The following PCDH10 variants were observed in gnomAD, a reference collection of about 807,000 sequenced individuals.
The protein encoded by PCDH10 is protocadherin 10, also known as protocadherin-10.
Under a neutral mutation model 74.4 loss-of-function variants are expected in PCDH10, and 15 were observed. That is an observed-to-expected ratio of 0.20 (90% CI 0.13 to 0.31). PCDH10 has a LOEUF of 0.31. Among genes scored for constraint, PCDH10 ranks in the 10% least tolerant of loss-of-function variants. The pLI is 1.00. For missense variants in PCDH10, 1,260 were observed against 1,390.2 expected (o/e 0.91, Z 1.49); for synonymous variants, 619 against 589.8 (o/e 1.05, Z -0.72).
intron 4 of PCDH10, among the ~76,000 whole-genome samples, chr4:133,169,905 C>T (rs573017628): frequency 3.6e-4 from 54 of 151,920 alleles, no homozygotes; most frequent in African/African-American, 1.2e-3. Flanking sequence ...GAAACTGTTT[C>T]GAACACTGAG....
At chr4:133,179,570 C>T (rs903128935) in intron 4 of PCDH10, among the ~76,000 whole-genome samples, 4 of 152,110 alleles carry the variant, frequency 2.6e-5, no homozygotes, top group Non-Finnish European at 5.9e-5. Context: ...TCTGCATGAC[C>T]GTCTCTTACT....
intron 4 of PCDH10, among the ~76,000 whole-genome samples, chr4:133,173,613 G>T (rs1228266465): frequency 2.0e-5 from 3 of 151,986 alleles, no homozygotes; most frequent in African/African-American, 7.2e-5. Flanking sequence ...TGAAGATGAA[G>T]AAGAGACAAT....
intron 4 of PCDH10, among the ~76,000 whole-genome samples, chr4:133,180,018 C>G (rs1157354620): frequency 6.6e-6 from 1 of 151,904 alleles, no homozygotes; most frequent in African/African-American, 2.4e-5. Context: ...CCTAAATAAT[C>G]TCCACTCTAT....
At chr4:133,170,775 C>A (rs1727186510) in intron 4 of PCDH10, among the ~76,000 whole-genome samples, 1 of 152,108 alleles carries the variant, frequency 6.6e-6, no homozygotes, top group South Asian at 2.1e-4. Context: ...TCACTGCCAC[C>A]TCCACCTCCC....
chr4:133,182,678 C>T (rs1207056562), intron 4 of PCDH10, among the ~76,000 whole-genome samples: 2 of 151,890 alleles, frequency 1.3e-5, no homozygotes, highest in African/African-American at 4.8e-5. Flanking sequence ...AAATGTACAC[C>T]AGCATAGGGT....
chr4:133,175,930 A>G (rs1727286727), intron 4 of PCDH10, among the ~76,000 whole-genome samples: 1 of 152,090 alleles, frequency 6.6e-6, no homozygotes, highest in South Asian at 2.1e-4. Context: ...ATATTGGATT[A>G]CTCCTGAAAA....
At chr4:133,199,329 T>A (rs865955747), downstream of PCDH10, among the ~76,000 whole-genome samples, 10 of 119,132 alleles carry the variant, frequency 8.4e-5, no homozygotes, top group South Asian at 2.9e-4. Context: ...TAATAATAAT[T>A]AATTAAATAG....
At position 133,150,959 on chromosome 4, in the gene PCDH10, C is replaced by G. The variant is rs766911892; in HGVS notation, c.819C>G (p.Asn273Lys). ...CAGGCACTCTCGTGATCCAGCTCAA[C>G]GCCACCGACCCGGACGAGGGCCAGA... Reference protein sequence around the residue: ...SPPGTLVIQLNATDPDEGQNG... With the variant: ...SPPGTLVIQLKATDPDEGQNG... Residue 273 changes from asparagine (N) to lysine (K), a missense_variant, in exon 1 of 5, where the codon AAC (asparagine) becomes AAG (lysine). By Grantham distance (94) the Asn-to-Lys change is moderately conservative. Transcript: ENST00000264360. 2.5e-6 allele frequency: 4 copies of G among 1,613,972 alleles called. No individual in the cohort carries two copies. Among genetic ancestry groups the G allele is most frequent in the African/African-American group, 2.7e-5 (2 of 75,074 alleles).
At chr4:133,153,743 CA>C (rs1241250532) in intron 1 of PCDH10, 1 of 150,744 alleles carries the variant, frequency 6.6e-6, no homozygotes, top group African/African-American at 2.5e-5. Flanking sequence ...GGGGGGCGGG[CA>C]GGATTATGAA....
rs1265701670 is a variant in PCDH10, at chr4:133,190,255, T to G, written c.*95T>G. ...CAACTTCATTATCTTGGCCATCCAG[T>G]TAGTCATGTGTAACTGAGTATTAGA... is the stretch of plus-strand genomic sequence containing the variant. On this transcript the variant is annotated 3_prime_UTR_variant, in exon 5 of 5. Coordinates refer to ENST00000264360, the MANE Select transcript of PCDH10 (RefSeq NM_032961.3). 4.6e-6 allele frequency: 5 copies of G among 1,091,494 alleles called. No individual in the cohort carries two copies. The East Asian group carries it at 1.2e-4, about 26-fold the overall frequency. The allele number at this position is 1,091,494 out of a possible 1,614,324, so 67.6% of individuals were successfully genotyped here.
intron 4 of PCDH10, chr4:133,164,160 T>A (rs1181498417): frequency 6.0e-6 from 2 of 334,120 alleles, no homozygotes; most frequent in Non-Finnish European, 1.2e-5. Flanking sequence ...AACCAAAAAA[T>A]CATTTGTTTT....
chr4:133,203,188 G>C (rs1423094655), intron 2 of PCDH10, among the ~76,000 whole-genome samples: 1 of 152,110 alleles, frequency 6.6e-6, no homozygotes, highest in African/African-American at 2.4e-5. Flanking sequence ...GAAGTCCACT[G>C]TCAGCTTATG....
chr4:133,154,393 A>G, intron 2 of PCDH10, 28 bp downstream of exon 2: 3 of 1,415,768 alleles, frequency 2.1e-6, no homozygotes, highest in Non-Finnish European at 2.9e-6. Context: ...CCCTAGCAGT[A>G]ATGGACAATT....
At chr4:133,204,332 A>G (rs1222791872) in intron 2 of PCDH10, among the ~76,000 whole-genome samples, 2 of 152,124 alleles carry the variant, frequency 1.3e-5, no homozygotes, top group Admixed American at 6.5e-5. Flanking sequence ...TAACATCCAC[A>G]TGGCTGTCCC....
rs760452014 is a variant in PCDH10, at chr4:133,151,616, G to A, written c.1476G>A (p.Glu492=). Residue 492 remains glutamate, a synonymous_variant, in exon 1 of 5, where the codon GAG becomes GAA. Transcript: ENST00000264360. ...IYAVSATDRD[E]GANAQLAYSI... Reference sequence around the variant, plus strand: ...CGGTGAGCGCCACCGACCGGGATGAGGGCGCCAACGCCCAGCTTGCCTACT... The same window carrying A: ...CGGTGAGCGCCACCGACCGGGATGAAGGCGCCAACGCCCAGCTTGCCTACT... The A allele has an allele frequency of 1.2e-6, 2 of 1,613,860 alleles. No individual in the cohort carries two copies. The highest frequency in any genetic ancestry group is 2.2e-5 in the South Asian group (2 of 91,090).
intron 2 of PCDH10, among the ~76,000 whole-genome samples, chr4:133,205,027 T>A (rs1210858162): frequency 2.0e-5 from 3 of 152,168 alleles, no homozygotes; most frequent in Non-Finnish European, 4.4e-5. Context: ...CAATTCCCTG[T>A]GTTAGCAGGG....
Position 133,151,060 on chromosome 4 carries a change from C to T in PCDH10, c.920C>T (p.Thr307Ile), listed in dbSNP as rs566769897. 7 of 1,614,086 alleles carry T rather than the reference C, an allele frequency of 4.3e-6. No homozygotes were observed. The African/African-American group carries it at 8.0e-5, about 18-fold the overall frequency. ...GAGCTTTTCGGACTCTCGCCGCGCA[C>T]TGGCAGACTGGAGGTAAGCGGCGAG... Reference protein sequence around the residue: ...ARELFGLSPRTGRLEVSGELD... With the variant: ...ARELFGLSPRIGRLEVSGELD... Residue 307 changes from threonine (T) to isoleucine (I), a missense_variant, in exon 1 of 5, where the codon ACT becomes ATT. Coordinates refer to ENST00000264360, the MANE Select transcript of PCDH10 (RefSeq NM_032961.3).
rs1459226131 is a variant in PCDH10 at position 133,154,319 on chromosome 4, C to A, written c.2644C>A (p.Arg882=). 4.4e-6 allele frequency: 7 copies of A among 1,606,470 alleles called. No individual in the cohort carries two copies. The East Asian group carries it at 1.6e-4, about 36-fold the overall frequency. ...SILSNETKHQ[R]AELSYLVDRP... The stretch of plus-strand genomic sequence containing the variant: ...ATTTTTTTCCTAGACTAAACACCAG[C>A]GAGCAGAGCTCAGCTATCTAGTTGA... The change falls in exon 2 of 5, where the codon CGA becomes AGA. Residue 882 remains arginine (R), a synonymous_variant. Transcript: ENST00000264360.
Position 133,152,548 on chromosome 4 carries a change from C to T in PCDH10, c.2408C>T (p.Pro803Leu). The T allele has an allele frequency of 1.9e-6, 3 of 1,614,140 alleles. No homozygotes were observed. Among genetic ancestry groups the T allele is most frequent in the Non-Finnish European group, 2.5e-6 (3 of 1,180,036 alleles). The stretch of plus-strand genomic sequence containing the variant: ...GTACCCAGTAACCCGGCCCAGGTGC[C>T]GATAGAGGAGTCCGGGGGCTTTGGC... Reference protein sequence around the residue: ...SNVPSNPAQVPIEESGGFGSH... With the variant: ...SNVPSNPAQVLIEESGGFGSH... The change falls in exon 1 of 5, where the codon CCG becomes CTG. Residue 803 changes from proline to leucine, a missense_variant. This residue lies in a region of PCDH10 where 587 missense variants were observed against 616.9 expected (regional missense o/e 0.95). Coordinates refer to ENST00000264360, the MANE Select transcript of PCDH10 (RefSeq NM_032961.3).
Sources: gnomAD v4.1 joint callset for allele counts (sites outside exome capture counted in the v4.1 genomes callset) on GRCh38, gnomAD v4.1.1 for gene constraint, gnomAD v4.1.1 regional missense constraint, MANE v1.5 for transcripts, NCBI Gene and HGNC (gene_info 2026-07-23, HGNC 2026-07-21) for gene names.